The following CDH4 variants were observed in gnomAD, a reference collection of about 807,000 sequenced individuals.
CDH4 encodes the protein cadherin-4.
A neutral mutation model predicts 86.0 loss-of-function variants in CDH4; 33 were observed. The observed-to-expected ratio is 0.38, with a 90% CI of 0.29 to 0.51. The LOEUF is 0.51. CDH4 is among the 20% of genes least tolerant of loss of function. The pLI is 0.86. For synonymous variants in CDH4, 555 were observed against 549.4 expected (o/e 1.01, Z -0.14); for missense variants, 1,114 against 1,307.4 (o/e 0.85, Z 2.28).
chr20:61,694,291 C>A (rs569660444), intron 2 of CDH4, among the ~76,000 whole-genome samples: 1 of 152,210 alleles, frequency 6.6e-6, no homozygotes, highest in South Asian at 2.1e-4. Flanking sequence ...TCTTTATGGA[C>A]CAGGCACTGC....
intron 4 of CDH4, among the ~76,000 whole-genome samples, chr20:61,797,084 C>A (rs1444398171): frequency 2.8e-4 from 2 of 7,204 alleles, no homozygotes; most frequent in African/African-American, 3.4e-3. Context: ...ACAGGAAGAG[C>A]CCCCCCCCCC....
chr20:61,313,934 C>T (rs2084462285), intron 2 of CDH4, among the ~76,000 whole-genome samples: 1 of 152,176 alleles, frequency 6.6e-6, no homozygotes, highest in Admixed American at 6.5e-5. Flanking sequence ...GGGGTCCCAT[C>T]ATGTTGCCCA....
intron 6 of CDH4, among the ~76,000 whole-genome samples, chr20:61,865,080 G>C (rs998992835): frequency 3.3e-5 from 5 of 152,156 alleles, no homozygotes; most frequent in African/African-American, 1.2e-4. Context: ...CCCGACCCCT[G>C]CCTGGCCTCT....
chr20:61,285,372 G>A (rs1600834712), intron 2 of CDH4, among the ~76,000 whole-genome samples: 1 of 150,042 alleles, frequency 6.7e-6, no homozygotes, highest in Non-Finnish European at 1.5e-5. Context: ...ACAGCTGCCT[G>A]CTCTTGACAC....
intron 4 of CDH4, among the ~76,000 whole-genome samples, chr20:61,837,304 C>T (rs540731110): frequency 4.6e-5 from 7 of 152,172 alleles, no homozygotes; most frequent in African/African-American, 1.4e-4. Context: ...CATCCAGGGG[C>T]GCTGAGAAGA....
In CDH4 at chr20:61,708,584, T is replaced by TC. The variant is rs2087857857; in HGVS notation, c.170-34977dup. On this transcript the variant is annotated intron_variant, in intron 2 of 15. Transcript: ENST00000614565. This position sits in a 1 kb window ranked among gnomAD's most constrained non-coding sequence, Gnocchi z 4.5. ...CCCCCACTTCCCCAGCCCTGCTCCC[T>TC]CCAGCCTCATGCCCCTTGTAGACCC... is the stretch of plus-strand genomic sequence containing the variant. 6.6e-6 allele frequency among the ~76,000 whole-genome samples: 1 copy of TC among 151,950 alleles called. No individual in the cohort carries two copies.
intron 2 of CDH4, among the ~76,000 whole-genome samples, chr20:61,648,608 C>T (rs1251519933): frequency 1.3e-5 from 2 of 152,180 alleles, no homozygotes; most frequent in Non-Finnish European, 2.9e-5. Flanking sequence ...TGGAGAGTCT[C>T]TCATCATTCC....
intron 7 of CDH4, among the ~76,000 whole-genome samples, chr20:61,889,395 G>A (rs548621636): frequency 1.3e-5 from 2 of 150,018 alleles, no homozygotes; most frequent in Non-Finnish European, 3.0e-5. Flanking sequence ...GGTGGATGAT[G>A]GATGAGGGAT....
intron 2 of CDH4, among the ~76,000 whole-genome samples, chr20:61,339,996 T>C (rs1479982618): frequency 6.6e-6 from 1 of 152,236 alleles, no homozygotes; most frequent in Non-Finnish European, 1.5e-5. Context: ...AAAAAGGGTA[T>C]TACTGAGTTT....
chr20:61,601,942 G>C (rs916312329), intron 2 of CDH4, among the ~76,000 whole-genome samples: 3 of 152,226 alleles, frequency 2.0e-5, no homozygotes, highest in East Asian at 1.9e-4. Flanking sequence ...TACCAGGAGG[G>C]AGGAGAATGG....
intron 5 of CDH4, among the ~76,000 whole-genome samples, chr20:61,846,208 G>C (rs1324941063): frequency 6.6e-6 from 1 of 152,244 alleles, no homozygotes; most frequent in Non-Finnish European, 1.5e-5. Flanking sequence ...CCTCACGGCT[G>C]CCTCCTGGGA....
intron 2 of CDH4, among the ~76,000 whole-genome samples, chr20:61,611,321 C>T (rs2086683703): frequency 6.6e-6 from 1 of 152,110 alleles, no homozygotes; most frequent in Admixed American, 6.5e-5. Context: ...TAAGTCACCT[C>T]ATTAGCATAA....
chr20:61,496,848 A>G (rs1191011011), intron 2 of CDH4, among the ~76,000 whole-genome samples: 2 of 151,778 alleles, frequency 1.3e-5, no homozygotes, highest in East Asian at 1.9e-4. Context: ...GCTTCTTCCA[A>G]TGAAAATACT....
intron 2 of CDH4, among the ~76,000 whole-genome samples, chr20:61,599,064 C>T (rs2086578070): frequency 6.6e-6 from 1 of 152,202 alleles, no homozygotes. Context: ...CTTCTTGACA[C>T]CACGTCCCTG....
intron 2 of CDH4, among the ~76,000 whole-genome samples, chr20:61,424,172 A>G (rs909945610): frequency 9.3e-5 from 14 of 150,096 alleles, no homozygotes; most frequent in Admixed American, 4.0e-4. Context: ...ACACATATGT[A>G]TCCACACATA....
At chr20:61,724,175 C>CAT in intron 2 of CDH4, among the ~76,000 whole-genome samples, 1 of 146,542 alleles carries the variant, frequency 6.8e-6, no homozygotes, top group Admixed American at 6.7e-5. Flanking sequence ...AGGCTCCATG[C>CAT]GGCAGGCGGG....
intron 2 of CDH4, among the ~76,000 whole-genome samples, chr20:61,335,011 CATG>C (rs2084609544): frequency 6.6e-6 from 1 of 152,228 alleles, no homozygotes; most frequent in African/African-American, 2.4e-5. Context: ...TCTTAATAAG[CATG>C]ATGACAGCGA....
chr20:61,372,413 C>T (rs929788071), intron 2 of CDH4, among the ~76,000 whole-genome samples: 7 of 152,252 alleles, frequency 4.6e-5, no homozygotes, highest in South Asian at 2.1e-4. Context: ...GCAGCACCGC[C>T]CTGCTGAGCA....
intron 2 of CDH4, among the ~76,000 whole-genome samples, chr20:61,336,752 A>C (rs1374616800): frequency 6.6e-6 from 1 of 152,170 alleles, no homozygotes; most frequent in African/African-American, 2.4e-5. Context: ...AGTTGAAGGT[A>C]AGAGTCCCTG....
Sources: allele counts gnomAD v4.1 joint callset (sites outside exome capture counted in the v4.1 genomes callset), GRCh38; gene constraint gnomAD v4.1.1; non-coding constraint Gnocchi (gnomAD v3.1); transcripts MANE v1.5; gene names NCBI Gene and HGNC (gene_info 2026-07-23, HGNC 2026-07-21).